CECR2: variants seen among roughly 807,000 people sequenced by gnomAD.
CECR2 encodes the protein chromatin remodeling regulator CECR2.
A neutral mutation model predicts 154.5 loss-of-function variants in CECR2; 30 were observed. That is an observed-to-expected ratio of 0.19 (90% CI 0.15 to 0.26). The LOEUF (loss-of-function observed/expected upper bound fraction) is 0.26, where lower values mean the gene tolerates loss of function less well. Ranked by LOEUF, CECR2 falls within the 10% of genes least tolerant of loss-of-function variation. CECR2 has a pLI of 1.00. For missense variants in CECR2, 1,743 were observed against 1,829.3 expected (o/e 0.95, Z 0.86); for synonymous variants, 725 against 683.7 (o/e 1.06, Z -0.94).
At chr22:17,472,527 A>T (rs1415888323) in intron 1 of CECR2, among the ~76,000 whole-genome samples, 6 of 152,154 alleles carry the variant, frequency 3.9e-5, no homozygotes, top group African/African-American at 1.2e-4. Flanking sequence ...GCAAATTAGG[A>T]AGATTTGTAA....
chr22:17,507,773 A>G (rs1437271353), intron 7 of CECR2, among the ~76,000 whole-genome samples: 1 of 152,242 alleles, frequency 6.6e-6, no homozygotes, highest in Non-Finnish European at 1.5e-5. Flanking sequence ...AATGGATTTG[A>G]TATTTTCAAA....
intron 1 of CECR2, among the ~76,000 whole-genome samples, chr22:17,420,276 G>T (rs1457585617): frequency 6.7e-6 from 1 of 149,582 alleles, no homozygotes; most frequent in Non-Finnish European, 1.5e-5. Flanking sequence ...TCCAAATAAA[G>T]AATTTAGAAA....
At chr22:17,388,216 C>T (rs1485169104) in intron 1 of CECR2, among the ~76,000 whole-genome samples, 2 of 152,080 alleles carry the variant, frequency 1.3e-5, no homozygotes, top group East Asian at 1.9e-4. Flanking sequence ...AGCCTCCCAA[C>T]GTGCTGGGAT....
At chr22:17,457,134 T>G (rs1330579673) in intron 1 of CECR2, among the ~76,000 whole-genome samples, 3 of 152,250 alleles carry the variant, frequency 2.0e-5, no homozygotes, top group African/African-American at 7.2e-5. Context: ...TTCAAGCGAT[T>G]CTCCTGTCTC....
intron 1 of CECR2, among the ~76,000 whole-genome samples, chr22:17,432,736 A>G (rs2054444915): frequency 6.6e-6 from 1 of 152,164 alleles, no homozygotes; most frequent in African/African-American, 2.4e-5. Flanking sequence ...CCTGAGCTCA[A>G]GCAACCCTCC....
rs774795910 is a variant in CECR2, at chr22:17,542,334, C to G, written c.2191C>G (p.Pro731Ala). Residue 731 changes from proline (P) to alanine (A), a missense_variant, in exon 16 of 19, where the codon CCA becomes GCA. Physicochemically the swap from Pro to Ala is conservative, Grantham distance 27. This residue lies in a region of CECR2 where 1,250 missense variants were observed against 1,192.1 expected (regional missense o/e 1.05). Transcript: ENST00000262608. The part of the protein sequence containing the change: ...GSMYAPAQFQ[P>A]GFIPPRHGGA... ...CATGTATGCTCCAGCTCAGTTCCAG[C>G]CAGGATTCATTCCTCCCCGGCATGG... 23 of 1,613,442 alleles carry G rather than the reference C, an allele frequency of 1.4e-5. No individual in the cohort carries two copies. The highest frequency in any genetic ancestry group is 1.6e-4 in the Middle Eastern group (1 of 6,082).
At chr22:17,396,730 A>G (rs755849314) in intron 1 of CECR2, among the ~76,000 whole-genome samples, 6 of 152,212 alleles carry the variant, frequency 3.9e-5, no homozygotes, top group Admixed American at 6.5e-5. Context: ...CCTGTGTGCA[A>G]TAAATATTTG....
At chr22:17,500,867 A>C in intron 5 of CECR2, 132 bp downstream of exon 5, 1 of 644,056 alleles carries the variant, frequency 1.6e-6, no homozygotes, top group Middle Eastern at 3.0e-4. Flanking sequence ...AGTCCTTATG[A>C]AATTACCACA....
At chr22:17,452,481 A>G (rs2054787154) in intron 1 of CECR2, among the ~76,000 whole-genome samples, 2 of 152,162 alleles carry the variant, frequency 1.3e-5, no homozygotes, top group Non-Finnish European at 2.9e-5. Context: ...AAAATGTGGT[A>G]GTGGAGGTAG....
In CECR2 at chr22:17,552,017, TC is replaced by T. The variant is rs1349120507; in HGVS notation, c.4278-13del. The T allele has an allele frequency of 6.2e-7, 1 of 1,612,428 alleles. No homozygotes were observed. The highest frequency in any genetic ancestry group is 1.7e-5 in the Admixed American group (1 of 60,012). On this transcript the variant is annotated splice_polypyrimidine_tract_variant and intron_variant, in intron 17 of 18. Transcript: ENST00000262608. Reference sequence around the variant, plus strand: ...CTTCATTAATTCTTCATTGCTTCTTTCTCGTGGCTGTAGAATGCAGATGCAC... The same window carrying T: ...CTTCATTAATTCTTCATTGCTTCTTTTCGTGGCTGTAGAATGCAGATGCAC...
chr22:17,466,459 A>G (rs370719055), intron 1 of CECR2, among the ~76,000 whole-genome samples: 13 of 152,216 alleles, frequency 8.5e-5, no homozygotes, highest in East Asian at 7.7e-4. Context: ...CCTTTATGTC[A>G]GCCCATAGTT....
intron 8 of CECR2, among the ~76,000 whole-genome samples, chr22:17,523,493 A>G (rs1173521888): frequency 6.6e-6 from 1 of 151,882 alleles, no homozygotes; most frequent in Admixed American, 6.6e-5. Context: ...ACGGTGGCTC[A>G]CACCTATAAT....
At position 17,554,138 on chromosome 22, in the gene CECR2, G is replaced by C. The variant is rs1346387374; in HGVS notation, c.*1298G>C. The C allele has an allele frequency of 6.6e-6, 1 of 152,190 alleles. No homozygotes were observed. Among genetic ancestry groups the C allele is most frequent in the Non-Finnish European group, 1.5e-5 (1 of 68,036 alleles). The allele number at this position is 152,190 out of a possible 1,614,324, so 9.4% of individuals were successfully genotyped here. On this transcript the variant is annotated 3_prime_UTR_variant, in exon 19 of 19. Coordinates refer to ENST00000262608, the MANE Select transcript of CECR2 (RefSeq NM_001290047.2). ...AGTATTAAATTACTTTATTACAGTT[G>C]TAGAGTTGAATTACACTGGATTCTC...
intron 1 of CECR2, among the ~76,000 whole-genome samples, chr22:17,422,901 C>G (rs1172832846): frequency 6.6e-6 from 1 of 152,156 alleles, no homozygotes; most frequent in Middle Eastern, 3.2e-3. Flanking sequence ...TGCTGCCCAC[C>G]TGTTCCTGCA....
intron 1 of CECR2, among the ~76,000 whole-genome samples, chr22:17,381,287 G>A (rs2063185744): frequency 6.6e-6 from 1 of 152,140 alleles, no homozygotes. Context: ...TGTTAAAGCA[G>A]CCCCCCAGCC....
At chr22:17,455,310 A>C (rs545493780) in intron 1 of CECR2, among the ~76,000 whole-genome samples, 28 of 152,312 alleles carry the variant, frequency 1.8e-4, no homozygotes, top group African/African-American at 6.7e-4. Context: ...GTGTTTGAAT[A>C]AATTTTGCTT....
intron 9 of CECR2, among the ~76,000 whole-genome samples, chr22:17,532,158 C>T (rs1008177571): frequency 6.6e-6 from 1 of 152,060 alleles, no homozygotes; most frequent in Non-Finnish European, 1.5e-5. Context: ...AACAGCAAGA[C>T]CCTGTCTCAA....
chr22:17,375,101 C>A (rs1183563748), intron 1 of CECR2, among the ~76,000 whole-genome samples: 1 of 145,190 alleles, frequency 6.9e-6, no homozygotes, highest in East Asian at 2.0e-4. Context: ...AGTATTCATT[C>A]ATTTATTTCA....
intron 2 of CECR2, among the ~76,000 whole-genome samples, chr22:17,482,436 A>G (rs949311983): frequency 6.6e-6 from 1 of 152,204 alleles, no homozygotes; most frequent in Non-Finnish European, 1.5e-5. Flanking sequence ...ATATACCGTC[A>G]TGTACACTAC....
Sources: gnomAD v4.1 joint callset for allele counts (sites outside exome capture counted in the v4.1 genomes callset) on GRCh38, gnomAD v4.1.1 for gene constraint, gnomAD v4.1.1 regional missense constraint, MANE v1.5 for transcripts, NCBI Gene and HGNC (gene_info 2026-07-23, HGNC 2026-07-21) for gene names.